HNRNPC: variants seen among roughly 807,000 people sequenced by gnomAD.
HNRNPC encodes the protein heterogeneous nuclear ribonucleoproteins C1/C2.
Under a neutral mutation model 33.2 loss-of-function variants are expected in HNRNPC, and 3 were observed. The ratio of observed to expected loss-of-function variants is 0.09; its 90% confidence interval spans 0.04 to 0.23. The LOEUF is 0.23. HNRNPC is among the 10% of genes least tolerant of loss of function. HNRNPC has a pLI of 1.00. For synonymous variants in HNRNPC, 121 were observed against 126.7 expected, an observed-to-expected ratio of 0.96 and a Z score of 0.30; for missense variants, 143 against 366.7, an observed-to-expected ratio of 0.39 and a Z score of 4.98.
chr14:21,258,368 T>TGACA (rs549434981), intron 2 of HNRNPC, among the ~76,000 whole-genome samples: 169 of 151,002 alleles, frequency 1.1e-3, no homozygotes, highest in African/African-American at 3.7e-3. Context: ...TCCAGCCTGG[T>TGACA]GACAGAGCGA....
chr14:21,251,824 A>G (rs1350435128), intron 2 of HNRNPC, among the ~76,000 whole-genome samples: 1 of 152,222 alleles, frequency 6.6e-6, no homozygotes, highest in Non-Finnish European at 1.5e-5. Context: ...AATTTCACAC[A>G]TAGAACATAA....
intron 2 of HNRNPC, among the ~76,000 whole-genome samples, chr14:21,252,866 A>G (rs1896820036): frequency 1.3e-5 from 2 of 152,076 alleles, no homozygotes; most frequent in Admixed American, 1.3e-4. Context: ...GTGTATGTGA[A>G]ATTTTTTCAC....
chr14:21,223,111 C>CAGAA (rs1893025606), intron 5 of HNRNPC, among the ~76,000 whole-genome samples: 1 of 152,062 alleles, frequency 6.6e-6, no homozygotes, highest in African/African-American at 2.4e-5. Context: ...GAAGCTGAGC[C>CAGAA]AGAAGAATCA....
At chr14:21,214,855 G>A (rs1891989701) in intron 5 of HNRNPC, among the ~76,000 whole-genome samples, 1 of 152,122 alleles carries the variant, frequency 6.6e-6, no homozygotes, top group Non-Finnish European at 1.5e-5. Context: ...GACAATTTCT[G>A]GAGGTGAATC....
rs1316636439 is a variant in HNRNPC, at chr14:21,218,702, A to AAAC, written c.366-5586_366-5585insGTT. Among the ~76,000 whole-genome samples, 88 of 140,646 alleles carry AAAC rather than the reference A, an allele frequency of 6.3e-4. 3 individuals are homozygous for AAAC. Among genetic ancestry groups the AAAC allele is most frequent in the Admixed American group, 1.1e-3 (16 of 14,016 alleles). The allele number at this position is 140,646 out of a possible 152,430, so 92.3% of individuals were successfully genotyped here. On this transcript the variant is annotated intron_variant, in intron 5 of 8. Transcript: ENST00000553300. The stretch of plus-strand genomic sequence containing the variant: ...CTCTCAAAAAAAAAAAAAAAAAAAA[A>AAAC]AAAAAACTGAAATTGAGTCACATGC...
intron 2 of HNRNPC, among the ~76,000 whole-genome samples, chr14:21,236,012 G>C (rs1894656870): frequency 6.6e-6 from 1 of 152,016 alleles, no homozygotes; most frequent in Non-Finnish European, 1.5e-5. Context: ...AGACAGAAAT[G>C]GATTTAAATG....
chr14:21,210,401 T>C lies in HNRNPC; in HGVS notation c.*822A>G, dbSNP rs1011096407. ...ATGCAACATGCATCTCAATGAAATATAATTTGAGTAGTGTTGTGTTGGTAT... is the reference window on the plus strand; with the variant it reads ...ATGCAACATGCATCTCAATGAAATACAATTTGAGTAGTGTTGTGTTGGTAT... On this transcript the variant is annotated 3_prime_UTR_variant, in exon 9 of 9. Coordinates refer to ENST00000553300, the MANE Select transcript of HNRNPC (RefSeq NM_004500.4). The C allele has an allele frequency of 2.6e-5, 4 of 152,466 alleles. No individual in the cohort carries two copies. Among genetic ancestry groups the C allele is most frequent in the Non-Finnish European group, 5.9e-5 (4 of 68,040 alleles). The allele number at this position is 152,466 out of a possible 1,614,324, so 9.4% of individuals were successfully genotyped here. A position where few individuals can be genotyped will look rare whatever the true frequency, so the allele number is the denominator to read the frequency against.
chr14:21,247,297 G>A (rs1896090615), intron 2 of HNRNPC, among the ~76,000 whole-genome samples: 1 of 152,070 alleles, frequency 6.6e-6, no homozygotes, highest in African/African-American at 2.4e-5. Context: ...GAAAATTTCA[G>A]CCTTTGATTT....
Position 21,263,322 on chromosome 14 carries a change from A to G in HNRNPC, c.-48T>C, listed in dbSNP as rs902372194. ...TTGGAATAACTTACTGTAGCTGAAGATCAAAAAAATCTCACTGTAAAAAAA... is the reference window on the plus strand; with the variant it reads ...TTGGAATAACTTACTGTAGCTGAAGGTCAAAAAAATCTCACTGTAAAAAAA... On this transcript the variant is annotated 5_prime_UTR_variant, in exon 2 of 9. Transcript: ENST00000553300. 9 of 152,606 alleles carry G rather than the reference A, an allele frequency of 5.9e-5. No individual in the cohort carries two copies. The highest frequency in any genetic ancestry group is 2.2e-4 in the African/African-American group (9 of 41,446). 9.5% of individuals were successfully genotyped at this position (152,606 alleles called of 1,614,324 possible).
chr14:21,264,717 T>C (rs1188283851), intron 1 of HNRNPC: 1 of 152,198 alleles, frequency 6.6e-6, no homozygotes, highest in African/African-American at 2.4e-5. Flanking sequence ...TATTCTCCTT[T>C]GTAAATTTGA....
At chr14:21,264,640 T>TA (rs1236778482) in intron 1 of HNRNPC, 1 of 152,206 alleles carries the variant, frequency 6.6e-6, no homozygotes, top group East Asian at 1.9e-4. Context: ...GAACTGCAAT[T>TA]AGACTGTAGT....
chr14:21,223,046 C>T (rs1329901042), intron 5 of HNRNPC, among the ~76,000 whole-genome samples: 1 of 151,846 alleles, frequency 6.6e-6, no homozygotes, highest in African/African-American at 2.4e-5. Flanking sequence ...TAAAGATACA[C>T]ACACAAAAAA....
intron 5 of HNRNPC, among the ~76,000 whole-genome samples, chr14:21,217,469 ACT>A (rs1363128559): frequency 2.0e-5 from 3 of 152,330 alleles, no homozygotes; most frequent in African/African-American, 7.2e-5. Flanking sequence ...ACATGGGGAA[ACT>A]CTAACATAAT....
intron 5 of HNRNPC, among the ~76,000 whole-genome samples, chr14:21,218,203 A>T (rs1892410389): frequency 6.6e-6 from 1 of 152,132 alleles, no homozygotes; most frequent in African/African-American, 2.4e-5. Context: ...ACCTCAAGTG[A>T]TCCACCAGCC....
intron 5 of HNRNPC, among the ~76,000 whole-genome samples, chr14:21,222,646 A>C (rs1892957413): frequency 6.6e-6 from 1 of 151,960 alleles, no homozygotes; most frequent in African/African-American, 2.4e-5. Flanking sequence ...TAATCCCAGC[A>C]CTTTGGGAGG....
chr14:21,237,589 A>G (rs1202261373), intron 2 of HNRNPC, among the ~76,000 whole-genome samples: 2 of 152,178 alleles, frequency 1.3e-5, no homozygotes, highest in Non-Finnish European at 2.9e-5. Context: ...ATTGATGCTT[A>G]AACAATACCA....
chr14:21,248,420 G>C (rs964383546), intron 2 of HNRNPC, among the ~76,000 whole-genome samples: 1 of 152,138 alleles, frequency 6.6e-6, no homozygotes, highest in Non-Finnish European at 1.5e-5. Context: ...TTGAAAATCA[G>C]CTTCCTTATC....
intron 2 of HNRNPC, among the ~76,000 whole-genome samples, chr14:21,250,208 G>T (rs1404967126): frequency 6.6e-6 from 1 of 151,068 alleles, no homozygotes; most frequent in East Asian, 1.9e-4. Context: ...AGCCGAGATC[G>T]CACCACTGCA....
At chr14:21,238,014 G>A (rs930152768) in intron 2 of HNRNPC, among the ~76,000 whole-genome samples, 3 of 152,042 alleles carry the variant, frequency 2.0e-5, no homozygotes, top group Non-Finnish European at 4.4e-5. Flanking sequence ...CAGGTGATCC[G>A]CCTGCCTCGG....
Sources: allele counts gnomAD v4.1 joint callset (sites outside exome capture counted in the v4.1 genomes callset), GRCh38; gene constraint gnomAD v4.1.1; transcripts MANE v1.5; gene names NCBI Gene and HGNC (gene_info 2026-07-23, HGNC 2026-07-21).